The following CCDC171 variants were observed in gnomAD, a reference collection of about 807,000 sequenced individuals.
CCDC171 encodes coiled-coil domain-containing protein 171.
In CCDC171, 177 loss-of-function variants were observed where a neutral mutation model predicts 168.2. The ratio of observed to expected loss-of-function variants is 1.05; its 90% confidence interval spans 0.93 to 1.19. The LOEUF is 1.19. Ranked by LOEUF, CCDC171 falls within the 50% of genes most tolerant of loss-of-function variation. CCDC171 has a pLI of 0.00. For synonymous variants in CCDC171, 687 were observed against 540.8 expected, an observed-to-expected ratio of 1.27 and a Z score of -3.75; for missense variants, 1,991 against 1,539.0, an observed-to-expected ratio of 1.29 and a Z score of -4.91.
chr9:15,843,545 G>T (rs1471757133), intron 21 of CCDC171, among the ~76,000 whole-genome samples: 2 of 152,000 alleles, frequency 1.3e-5, no homozygotes, highest in Non-Finnish European at 2.9e-5. Context: ...GTGCTGTTCT[G>T]ATAACTGAAC....
chr9:15,636,140 A>G (rs1014035387), intron 7 of CCDC171, among the ~76,000 whole-genome samples: 8 of 152,020 alleles, frequency 5.3e-5, no homozygotes, highest in Middle Eastern at 6.8e-3. Flanking sequence ...TTAAAAATGG[A>G]TTATTTGTAC....
At chr9:16,067,919 T>C in the CCDC171 span, among the ~76,000 whole-genome samples, 1 of 152,178 alleles carries the variant, frequency 6.6e-6, no homozygotes, top group Non-Finnish European at 1.5e-5. Flanking sequence ...TTTGTTCTTC[T>C]GGCTTAGGAT....
At chr9:16,043,183 A>C (rs1198142365) in intron 1 of CCDC171, among the ~76,000 whole-genome samples, 1 of 152,214 alleles carries the variant, frequency 6.6e-6, no homozygotes, top group Non-Finnish European at 1.5e-5. Flanking sequence ...ATTGTTCACT[A>C]TCATAGTATA....
At chr9:15,665,901 T>C (rs1409939898) in intron 8 of CCDC171, among the ~76,000 whole-genome samples, 1 of 152,240 alleles carries the variant, frequency 6.6e-6, no homozygotes, top group East Asian at 1.9e-4. Context: ...TCTATTTTTC[T>C]TTGATAGAAT....
intron 9 of CCDC171, among the ~76,000 whole-genome samples, chr9:15,677,817 A>G (rs559973327): frequency 5.1e-4 from 69 of 134,014 alleles, no homozygotes; most frequent in African/African-American, 1.4e-3. Flanking sequence ...ACACACACAC[A>G]CGCGCACACA....
At chr9:15,621,069 G>A (rs1196918820) in intron 6 of CCDC171, among the ~76,000 whole-genome samples, 4 of 152,134 alleles carry the variant, frequency 2.6e-5, no homozygotes, top group Admixed American at 6.6e-5. Flanking sequence ...GGGTTCAAGC[G>A]ATTCTCCTGC....
intron 21 of CCDC171, among the ~76,000 whole-genome samples, chr9:15,792,955 A>T (rs199915799): frequency 5.9e-5 from 9 of 151,806 alleles, no homozygotes; most frequent in Middle Eastern, 3.4e-3. Flanking sequence ...AATGACAGGA[A>T]CAAATTCACA....
At chr9:16,063,934 G>A (rs1246719453), downstream of CCDC171, among the ~76,000 whole-genome samples, 12 of 152,280 alleles carry the variant, frequency 7.9e-5, no homozygotes, top group African/African-American at 2.4e-4. Flanking sequence ...TTTTCTGTCC[G>A]ACAATGCCCA....
intron 19 of CCDC171, among the ~76,000 whole-genome samples, chr9:15,778,152 C>T (rs1266189890): frequency 6.6e-6 from 1 of 150,448 alleles, no homozygotes; most frequent in Non-Finnish European, 1.5e-5. Context: ...AAAAAATTAG[C>T]CCGGCGCGGT....
chr9:16,053,113 C>T (rs1185887012), intron 1 of CCDC171, among the ~76,000 whole-genome samples: 1 of 152,200 alleles, frequency 6.6e-6, no homozygotes, highest in Non-Finnish European at 1.5e-5. Flanking sequence ...AAATCCTAAC[C>T]GATGGGTGTT....
In CCDC171 at chr9:15,783,621, T is replaced by C. The variant is rs16933615; in HGVS notation, c.3082-888T>C. On this transcript the variant is annotated intron_variant, in intron 20 of 25. Coordinates refer to ENST00000380701, the MANE Select transcript of CCDC171 (RefSeq NM_173550.4). ...CCTTCCTCTTTTTTATACTTCACGA[T>C]GTCTCTGTTGTTTGTTGTATCTAGA... is the stretch of plus-strand genomic sequence containing the variant. Among the ~76,000 whole-genome samples the C allele has an allele frequency of 1.3e-3, 196 of 152,320 alleles. 3 individuals carry two copies. The East Asian group carries it at 0.036, about 28-fold the overall frequency.
chr9:15,925,876 G>T (rs1825837912), intron 25 of CCDC171, among the ~76,000 whole-genome samples: 1 of 151,494 alleles, frequency 6.6e-6, no homozygotes, highest in African/African-American at 2.4e-5. Context: ...CTTTCCTTTG[G>T]AACTCACACG....
At chr9:15,644,458 G>C (rs2046878939) in intron 7 of CCDC171, among the ~76,000 whole-genome samples, 1 of 152,166 alleles carries the variant, frequency 6.6e-6, no homozygotes. Context: ...GTCTCACCCG[G>C]GAAGTGCAAG....
At chr9:15,693,190 C>G (rs1271875139) in intron 10 of CCDC171, among the ~76,000 whole-genome samples, 1 of 122,424 alleles carries the variant, frequency 8.2e-6, no homozygotes, top group Non-Finnish European at 1.7e-5. Flanking sequence ...GAAATTCTCT[C>G]TGCGTTTACA....
At chr9:15,589,387 C>T (rs1398662800) in intron 4 of CCDC171, among the ~76,000 whole-genome samples, 2 of 152,300 alleles carry the variant, frequency 1.3e-5, no homozygotes, top group East Asian at 3.9e-4. Flanking sequence ...TGGCACTCCT[C>T]AAAATAGCAG....
At chr9:15,644,044 A>G (rs1321455464) in intron 7 of CCDC171, among the ~76,000 whole-genome samples, 3 of 152,158 alleles carry the variant, frequency 2.0e-5, no homozygotes. Flanking sequence ...ACTTTTGTGC[A>G]TAATTTTTTG....
chr9:16,008,832 C>T (rs1217400180), intron 3 of CCDC171, among the ~76,000 whole-genome samples: 2 of 152,132 alleles, frequency 1.3e-5, no homozygotes, highest in Non-Finnish European at 2.9e-5. Context: ...TATCGCTGCC[C>T]TGGGTTCCAC....
At chr9:15,771,607 TA>T (rs889031501) in intron 18 of CCDC171, among the ~76,000 whole-genome samples, 3 of 152,208 alleles carry the variant, frequency 2.0e-5, no homozygotes, top group Non-Finnish European at 2.9e-5. Flanking sequence ...GCTTGTGTTT[TA>T]ATTTTGCTTG....
At chr9:16,108,767 C>T in the CCDC171 span, among the ~76,000 whole-genome samples, 1 of 152,130 alleles carries the variant, frequency 6.6e-6, no homozygotes, top group Non-Finnish European at 1.5e-5. Flanking sequence ...AAAAAAATTA[C>T]AATTAAAAAG....
Sources: allele counts gnomAD v4.1 joint callset (sites outside exome capture counted in the v4.1 genomes callset), GRCh38; gene constraint gnomAD v4.1.1; transcripts MANE v1.5; gene names NCBI Gene and HGNC (gene_info 2026-07-23, HGNC 2026-07-21).